ASTN2: variants seen among roughly 807,000 people sequenced by gnomAD.
ASTN2 encodes the protein astrotactin 2.
In ASTN2, 54 loss-of-function variants were observed where a neutral mutation model predicts 139.8. That is an observed-to-expected ratio of 0.39 (90% CI 0.31 to 0.48). The LOEUF is 0.48. Among genes scored for constraint, ASTN2 ranks in the 20% least tolerant of loss-of-function variants. The probability of loss-of-function intolerance (pLI) is 0.95; values close to 1 mark genes in which losing one functional copy is unlikely to be tolerated. For synonymous variants in ASTN2, 756 were observed against 719.5 expected, an observed-to-expected ratio of 1.05 and a Z score of -0.81; for missense variants, 1,565 against 1,725.1, an observed-to-expected ratio of 0.91 and a Z score of 1.64.
chr9:116,489,350 T>G (rs1425817555), intron 19 of ASTN2, among the ~76,000 whole-genome samples: 1 of 152,142 alleles, frequency 6.6e-6, no homozygotes, highest in African/African-American at 2.4e-5. Flanking sequence ...AATTTTAATT[T>G]TTTTGAGACA....
At chr9:116,759,433 G>A (rs1008480755) in intron 13 of ASTN2, among the ~76,000 whole-genome samples, 1 of 152,074 alleles carries the variant, frequency 6.6e-6, no homozygotes, top group Admixed American at 6.5e-5. Context: ...ATTTGCCTGT[G>A]GTCATACAGC....
At chr9:117,155,221 T>C (rs1196860996) in intron 3 of ASTN2, among the ~76,000 whole-genome samples, 1 of 152,042 alleles carries the variant, frequency 6.6e-6, no homozygotes, top group Non-Finnish European at 1.5e-5. Context: ...TAAAACTGGC[T>C]CAGCTAAATA....
At chr9:116,778,250 C>G (rs1830133693) in intron 13 of ASTN2, among the ~76,000 whole-genome samples, 1 of 152,006 alleles carries the variant, frequency 6.6e-6, no homozygotes, top group African/African-American at 2.4e-5. Context: ...AAAGATAGCA[C>G]TACAGTTCAA....
Position 117,039,856 on chromosome 9 carries a change from C to T in ASTN2, c.1386G>A (p.Lys462=), listed in dbSNP as rs774777922. ...AGTGCTCGGGCACATGCAGAGTCAC[C>T]TTCACAGTGAGTGGACAAGACATCT... ...GSQMSCPLTV[K]VTLHVPEHFI... is the part of the protein sequence containing the mutation. The change falls in exon 6 of 23, where the codon AAG becomes AAA. Residue 462 remains lysine (K), a synonymous_variant. Transcript: ENST00000313400. 6.2e-6 allele frequency: 10 copies of T among 1,613,758 alleles called. No individual in the cohort carries two copies. The South Asian group carries it at 6.6e-5, about 11-fold the overall frequency.
intron 13 of ASTN2, among the ~76,000 whole-genome samples, chr9:116,780,592 G>A (rs1830192236): frequency 6.6e-6 from 1 of 152,118 alleles, no homozygotes; most frequent in Non-Finnish European, 1.5e-5. Flanking sequence ...AAGAGAGAAG[G>A]CTGTAACTGA....
chr9:116,557,425 A>G (rs1226012811), intron 19 of ASTN2, among the ~76,000 whole-genome samples: 2 of 152,214 alleles, frequency 1.3e-5, no homozygotes, highest in Non-Finnish European at 2.9e-5. Flanking sequence ...GAGTTAAATG[A>G]AAGTGTCTAA....
At chr9:116,609,379 G>GTGTATATATATATATATATATATATA (rs1448736644) in intron 19 of ASTN2, among the ~76,000 whole-genome samples, 1 of 116,726 alleles carries the variant, frequency 8.6e-6, no homozygotes. Flanking sequence ...ATATATGGGT[G>GTGTATATATATATATATATATATATA]TATATATATA....
intron 5 of ASTN2, among the ~76,000 whole-genome samples, chr9:117,064,790 C>G (rs2132694670): frequency 7.1e-6 from 1 of 140,536 alleles, no homozygotes; most frequent in African/African-American, 2.5e-5. Flanking sequence ...ACCCCTAGAT[C>G]TATATACTTA....
intron 11 of ASTN2, among the ~76,000 whole-genome samples, chr9:116,862,120 T>C (rs887139269): frequency 6.6e-6 from 1 of 152,180 alleles, no homozygotes; most frequent in Non-Finnish European, 1.5e-5. Flanking sequence ...TTCATTGCAT[T>C]ATTTCATTCT....
intron 19 of ASTN2, among the ~76,000 whole-genome samples, chr9:116,533,334 T>C (rs1048636764): frequency 6.6e-6 from 1 of 152,178 alleles, no homozygotes; most frequent in Admixed American, 6.5e-5. Context: ...CCTCTTTTCC[T>C]AATTGAATAC....
At chr9:116,952,505 G>T (rs773127818) in intron 10 of ASTN2, among the ~76,000 whole-genome samples, 1 of 152,166 alleles carries the variant, frequency 6.6e-6, no homozygotes, top group Non-Finnish European at 1.5e-5. Context: ...CTCAATTTCC[G>T]CATTCTTTCT....
intron 7 of ASTN2, among the ~76,000 whole-genome samples, chr9:116,993,958 T>A (rs1836938614): frequency 6.6e-6 from 1 of 150,902 alleles, no homozygotes. Flanking sequence ...GTGGCAGGGA[T>A]TTTTTTGTTT....
chr9:116,620,881 T>A (rs1166259440), intron 17 of ASTN2, among the ~76,000 whole-genome samples: 2 of 152,214 alleles, frequency 1.3e-5, no homozygotes, highest in Non-Finnish European at 2.9e-5. Flanking sequence ...CCAAAGCCTG[T>A]CTTCTTATTA....
rs1407113361 is a variant in ASTN2 at position 116,440,683 on chromosome 9, G to A, written c.3708C>T (p.Val1236=). 2 of 1,614,076 alleles carry A rather than the reference G, an allele frequency of 1.2e-6. No homozygotes were observed. Among genetic ancestry groups the A allele is most frequent in the Admixed American group, 1.7e-5 (1 of 60,010 alleles). ...MEVSASMLFR[V]QHHYNSHYEK... ...CATAGTGAGAGTTGTAGTGGTGCTG[G>A]ACTCGGAACAGCATCGAGGCTGAGA... Residue 1236 remains valine (V), a synonymous_variant, in exon 22 of 23, where the codon GTC becomes GTT. Coordinates refer to ENST00000313400, the MANE Select transcript of ASTN2 (RefSeq NM_001365068.1).
chr9:117,009,988 C>A (rs946164799), intron 6 of ASTN2, among the ~76,000 whole-genome samples: 1 of 152,150 alleles, frequency 6.6e-6, no homozygotes, highest in Non-Finnish European at 1.5e-5. Context: ...CTCTAATTCA[C>A]ACACATCATA....
At chr9:116,992,524 T>G (rs1473891316) in intron 7 of ASTN2, among the ~76,000 whole-genome samples, 1 of 152,220 alleles carries the variant, frequency 6.6e-6, no homozygotes, top group African/African-American at 2.4e-5. Context: ...AGTTTTTGCC[T>G]GAGGTGCCTC....
At chr9:116,903,986 C>T (rs1381884667) in intron 10 of ASTN2, among the ~76,000 whole-genome samples, 3 of 152,178 alleles carry the variant, frequency 2.0e-5, no homozygotes, top group East Asian at 1.9e-4. Context: ...GTTCATGTCT[C>T]AGATCATTAG....
intron 17 of ASTN2, among the ~76,000 whole-genome samples, chr9:116,632,128 A>AAGAG (rs145360209): frequency 0.01 from 481 of 47,742 alleles, 12 homozygotes; most frequent in South Asian, 0.051. Flanking sequence ...AAAGAAAAAG[A>AAGAG]AGAGAGAGAG....
chr9:116,853,196 C>T (rs1564305663), intron 11 of ASTN2, among the ~76,000 whole-genome samples: 1 of 151,722 alleles, frequency 6.6e-6, no homozygotes, highest in Non-Finnish European at 1.5e-5. Context: ...AGAAAGGGGG[C>T]CTTGAGTTTT....
Sources: allele counts gnomAD v4.1 joint callset (sites outside exome capture counted in the v4.1 genomes callset), GRCh38; gene constraint gnomAD v4.1.1; transcripts MANE v1.5; gene names NCBI Gene and HGNC (gene_info 2026-07-23, HGNC 2026-07-21).